The following PLCB1 variants were observed in gnomAD, a reference collection of about 807,000 sequenced individuals.
PLCB1 encodes the protein 1-phosphatidylinositol 4,5-bisphosphate phosphodiesterase beta-1.
A neutral mutation model predicts 161.8 loss-of-function variants in PLCB1; 46 were observed. That is an observed-to-expected ratio of 0.28 (90% CI 0.22 to 0.36). PLCB1 has a LOEUF of 0.36. Among genes scored for constraint, PLCB1 ranks in the 10% least tolerant of loss-of-function variants. The probability of loss-of-function intolerance (pLI) is 1.00; values close to 1 mark genes in which losing one functional copy is unlikely to be tolerated. For missense variants in PLCB1, 1,016 were observed against 1,472.5 expected, an observed-to-expected ratio of 0.69 and a Z score of 5.07; for synonymous variants, 517 against 503.7, an observed-to-expected ratio of 1.03 and a Z score of -0.35.
chr20:8,493,143 C>G (rs1983018969), intron 3 of PLCB1, among the ~76,000 whole-genome samples: 2 of 152,048 alleles, frequency 1.3e-5, no homozygotes, highest in African/African-American at 4.8e-5. Flanking sequence ...TCATGGGCTG[C>G]TCTCCCCTTT....
rs143820839 is a variant in PLCB1, at chr20:8,317,195, G to T, written c.178-54187G>T. Among the ~76,000 whole-genome samples the T allele has an allele frequency of 2.8e-4, 42 of 152,162 alleles. No individual in the cohort carries two copies. In the East Asian group the frequency reaches 7.7e-3, roughly 28 times the overall value. The stretch of plus-strand genomic sequence containing the variant: ...GGGATGAGAAGTGGATAGAGTCTAA[G>T]GTTTTGTGGATAATAGAATGCATAA... On this transcript the variant is annotated intron_variant, in intron 2 of 31. Transcript: ENST00000338037.
rs189088638 is a variant in PLCB1 at position 8,877,394 on chromosome 20, A to G, written c.3424-4228A>G. On this transcript the variant is annotated intron_variant, in intron 31 of 31. Coordinates refer to ENST00000338037, the MANE Select transcript of PLCB1 (RefSeq NM_015192.4). ...GAGCCCAGTGGGGCTGATGAATGTG[A>G]TTTGAATTGATTGCCAACAATAAAA... 5.2e-3 allele frequency among the ~76,000 whole-genome samples: 796 copies of G among 152,356 alleles called. 1 individual carries two copies. Among genetic ancestry groups the G allele is most frequent in the South Asian group, 0.013 (64 of 4,822 alleles).
intron 3 of PLCB1, among the ~76,000 whole-genome samples, chr20:8,611,489 T>G (rs1240876741): frequency 2.6e-5 from 4 of 152,182 alleles, no homozygotes; most frequent in Admixed American, 6.5e-5. Context: ...TACCTTAAAA[T>G]GTAAGAAGCC....
chr20:8,665,211 T>C lies in PLCB1; in HGVS notation c.862+6507T>C, dbSNP rs528784901. On this transcript the variant is annotated intron_variant, in intron 9 of 31. Coordinates refer to ENST00000338037, the MANE Select transcript of PLCB1 (RefSeq NM_015192.4). ...TTTTTATTTGGCCTTATAAAGCCAT[T>C]TAACTTCTTTGACTAGCCCTGCTCC... Among the ~76,000 whole-genome samples, 11 of 152,326 alleles carry C rather than the reference T, an allele frequency of 7.2e-5. 1 individual carries two copies. The South Asian group carries it at 1.0e-3, about 14-fold the overall frequency.
intron 2 of PLCB1, among the ~76,000 whole-genome samples, chr20:8,275,719 AGGGTTTTAACCTAAGCCC>A (rs1982508112): frequency 6.6e-6 from 1 of 152,140 alleles, no homozygotes; most frequent in Non-Finnish European, 1.5e-5. Context: ...AAATCAGTAA[AGGGTTTTAACCTAAGCCC>A]GGAAAGTTAC....
At chr20:8,739,708 C>T (rs111840942) in intron 21 of PLCB1, among the ~76,000 whole-genome samples, 4 of 152,342 alleles carry the variant, frequency 2.6e-5, no homozygotes, top group Non-Finnish European at 2.9e-5. Flanking sequence ...GTCCCACATG[C>T]GCTCACTCTG....
At chr20:8,846,645 C>T (rs1486760456) in intron 31 of PLCB1, among the ~76,000 whole-genome samples, 1 of 152,166 alleles carries the variant, frequency 6.6e-6, no homozygotes, top group East Asian at 1.9e-4. Flanking sequence ...GTAGCTTAAA[C>T]ACCAAATCAT....
chr20:8,465,026 A>T (rs1981756853), intron 3 of PLCB1, among the ~76,000 whole-genome samples: 1 of 151,918 alleles, frequency 6.6e-6, no homozygotes, highest in Admixed American at 6.6e-5. Context: ...TCATATTATC[A>T]TCTTCTTATT....
At chr20:8,686,039 G>A (rs1400120903) in intron 10 of PLCB1, among the ~76,000 whole-genome samples, 1 of 152,116 alleles carries the variant, frequency 6.6e-6, no homozygotes, top group Non-Finnish European at 1.5e-5. Context: ...ATAACCTTGT[G>A]TATCTCAGTA....
At chr20:8,450,683 G>A (rs1981033875) in intron 3 of PLCB1, among the ~76,000 whole-genome samples, 1 of 152,106 alleles carries the variant, frequency 6.6e-6, no homozygotes, top group Non-Finnish European at 1.5e-5. Context: ...TAAGGACTCT[G>A]TACTTAGCGA....
At chr20:8,502,412 G>A (rs1228751069) in intron 3 of PLCB1, among the ~76,000 whole-genome samples, 3 of 152,066 alleles carry the variant, frequency 2.0e-5, no homozygotes, top group Admixed American at 6.6e-5. Context: ...CATGTTTACA[G>A]CTTGAAATCT....
intron 3 of PLCB1, among the ~76,000 whole-genome samples, chr20:8,559,355 T>C (rs907806256): frequency 4.6e-5 from 7 of 151,936 alleles, no homozygotes; most frequent in African/African-American, 7.2e-5. Context: ...ATGAAAAGTA[T>C]ACTTCAAAAA....
intron 3 of PLCB1, among the ~76,000 whole-genome samples, chr20:8,475,312 G>A (rs149328441): frequency 7.4e-4 from 113 of 152,234 alleles, no homozygotes; most frequent in Admixed American, 4.8e-3. Flanking sequence ...GCAGCCGAGA[G>A]CAGTGGTGCA....
chr20:8,387,279 C>A (rs1474520195), intron 3 of PLCB1, among the ~76,000 whole-genome samples: 1 of 152,128 alleles, frequency 6.6e-6, no homozygotes, highest in Admixed American at 6.6e-5. Flanking sequence ...GTGCATGATT[C>A]TTCCTTTCAC....
chr20:8,651,480 A>G, intron 7 of PLCB1: 1 of 724,604 alleles, frequency 1.4e-6, no homozygotes, highest in East Asian at 2.6e-5. Flanking sequence ...AAACATTTTC[A>G]CCTTCATTTT....
chr20:8,681,940 A>G (rs1201978004), intron 9 of PLCB1, among the ~76,000 whole-genome samples: 1 of 152,178 alleles, frequency 6.6e-6, no homozygotes, highest in Non-Finnish European at 1.5e-5. Context: ...CAAAGCATCT[A>G]GTAGACACCA....
At chr20:8,684,004 C>T (rs1177113943) in intron 9 of PLCB1, among the ~76,000 whole-genome samples, 1 of 151,514 alleles carries the variant, frequency 6.6e-6, no homozygotes, top group Non-Finnish European at 1.5e-5. Flanking sequence ...CTGCCTCAGC[C>T]TCCCGAGTAG....
At chr20:8,714,450 G>A (rs1227855282) in intron 12 of PLCB1, among the ~76,000 whole-genome samples, 1 of 152,180 alleles carries the variant, frequency 6.6e-6, no homozygotes, top group Non-Finnish European at 1.5e-5. Context: ...ACTGGAGGAA[G>A]AAGACTTGAA....
At chr20:8,684,028 C>T (rs771838629) in intron 9 of PLCB1, among the ~76,000 whole-genome samples, 1 of 150,432 alleles carries the variant, frequency 6.6e-6, no homozygotes, top group Non-Finnish European at 1.5e-5. Context: ...GGACTGCAGG[C>T]ACCCGCCACC....
Sources: gnomAD v4.1 joint callset for allele counts (sites outside exome capture counted in the v4.1 genomes callset) on GRCh38, gnomAD v4.1.1 for gene constraint, MANE v1.5 for transcripts, NCBI Gene and HGNC (gene_info 2026-07-23, HGNC 2026-07-21) for gene names.